CNBD1: variants seen among roughly 807,000 people sequenced by gnomAD.
CNBD1 encodes the protein cyclic nucleotide binding domain containing 1.
Under a neutral mutation model 54.4 loss-of-function variants are expected in CNBD1, and 71 were observed. The observed-to-expected ratio is 1.30, with a 90% CI of 1.08 to 1.59. The LOEUF (loss-of-function observed/expected upper bound fraction) is 1.59. CNBD1 is among the 40% of genes most tolerant of loss of function. The pLI is 0.00. For missense variants in CNBD1, 659 were observed against 518.0 expected (o/e 1.27, Z -2.64); for synonymous variants, 182 against 170.7 (o/e 1.07, Z -0.51).
intron 4 of CNBD1, among the ~76,000 whole-genome samples, chr8:86,989,682 C>T (rs1225522200): frequency 1.3e-5 from 2 of 152,086 alleles, no homozygotes; most frequent in Admixed American, 6.6e-5. Context: ...AACTCCTGAG[C>T]TCAGGCAATC....
intron 4 of CNBD1, among the ~76,000 whole-genome samples, chr8:87,142,862 C>G (rs544082575): frequency 1.3e-4 from 20 of 150,142 alleles, no homozygotes; most frequent in African/African-American, 4.4e-4. Flanking sequence ...GCTCGTTGTT[C>G]GTGAGATTTT....
chr8:87,231,575 A>T (rs908327218), intron 5 of CNBD1, among the ~76,000 whole-genome samples: 2 of 152,216 alleles, frequency 1.3e-5, no homozygotes, highest in African/African-American at 4.8e-5. Flanking sequence ...CTCTCATATA[A>T]TAAAATGTTC....
At chr8:87,427,967 A>T (rs541494315) in intron 2 of CNBD1, among the ~76,000 whole-genome samples, 1 of 152,010 alleles carries the variant, frequency 6.6e-6, no homozygotes, top group African/African-American at 2.4e-5. Context: ...TCTAAATCCT[A>T]TTGGTTTGGT....
chr8:87,329,019 G>C (rs1168712112), intron 8 of CNBD1, among the ~76,000 whole-genome samples: 1 of 151,174 alleles, frequency 6.6e-6, no homozygotes, highest in Non-Finnish European at 1.5e-5. Flanking sequence ...CTTCCTAGGA[G>C]TTTTATACTT....
At chr8:87,331,542 T>C (rs894157475) in intron 8 of CNBD1, among the ~76,000 whole-genome samples, 1 of 152,218 alleles carries the variant, frequency 6.6e-6, no homozygotes, top group Non-Finnish European at 1.5e-5. Context: ...TGTATCTTTA[T>C]AATAGAATGA....
intron 2 of CNBD1, among the ~76,000 whole-genome samples, chr8:87,417,976 C>A (rs1169026950): frequency 2.0e-5 from 3 of 151,892 alleles, no homozygotes; most frequent in Non-Finnish European, 4.4e-5. Context: ...TGGCAAAATT[C>A]TCTTAATTGA....
intron 2 of CNBD1, among the ~76,000 whole-genome samples, chr8:87,426,000 G>A (rs995623064): frequency 5.3e-5 from 8 of 152,214 alleles, no homozygotes; most frequent in Non-Finnish European, 8.8e-5. Flanking sequence ...TCTGAGCCAG[G>A]TGCAGGATAT....
At chr8:87,358,945 G>A (rs908881600) in intron 10 of CNBD1, among the ~76,000 whole-genome samples, 3 of 152,128 alleles carry the variant, frequency 2.0e-5, no homozygotes, top group Non-Finnish European at 2.9e-5. Flanking sequence ...AATGGATTAG[G>A]TGTTATCTGT....
chr8:87,295,916 A>G (rs1166668991), intron 8 of CNBD1, among the ~76,000 whole-genome samples: 1 of 152,158 alleles, frequency 6.6e-6, no homozygotes, highest in Non-Finnish European at 1.5e-5. Context: ...TCATTTTAAT[A>G]AAAGTAATTT....
At chr8:87,368,470 T>G (rs565051618) in intron 10 of CNBD1, among the ~76,000 whole-genome samples, 1 of 151,982 alleles carries the variant, frequency 6.6e-6, no homozygotes, top group South Asian at 2.1e-4. Flanking sequence ...ACCCTGTCTG[T>G]ACAAAAAATA....
intron 10 of CNBD1, among the ~76,000 whole-genome samples, chr8:87,365,237 ATT>A (rs1308709361): frequency 6.6e-6 from 1 of 151,532 alleles, no homozygotes; most frequent in Admixed American, 6.6e-5. Flanking sequence ...TTAGGTTTTG[ATT>A]TTCTTTTCTC....
intron 3 of CNBD1, among the ~76,000 whole-genome samples, chr8:86,939,043 A>G (rs1279065208): frequency 6.6e-6 from 1 of 152,180 alleles, no homozygotes; most frequent in African/African-American, 2.4e-5. Context: ...TGACCTTTTA[A>G]TAGAAATGCT....
At chr8:87,124,442 TTAA>T (rs1418054292) in intron 4 of CNBD1, among the ~76,000 whole-genome samples, 1 of 151,562 alleles carries the variant, frequency 6.6e-6, no homozygotes, top group East Asian at 1.9e-4. Flanking sequence ...TATGTGGAAA[TTAA>T]TAATTACCAC....
chr8:87,053,100 T>C (rs765881412), intron 4 of CNBD1, among the ~76,000 whole-genome samples: 2 of 152,150 alleles, frequency 1.3e-5, no homozygotes, highest in African/African-American at 4.8e-5. Flanking sequence ...TTCTCTGATT[T>C]TGGGGAATCA....
At chr8:87,017,453 A>G (rs1402993853) in intron 4 of CNBD1, among the ~76,000 whole-genome samples, 2 of 152,326 alleles carry the variant, frequency 1.3e-5, no homozygotes, top group East Asian at 3.9e-4. Flanking sequence ...TTTCTACTTG[A>G]TGGGGCATTT....
At chr8:87,272,552 A>G (rs1187719092) in intron 6 of CNBD1, among the ~76,000 whole-genome samples, 4 of 151,990 alleles carry the variant, frequency 2.6e-5, no homozygotes, top group Non-Finnish European at 4.4e-5. Context: ...TTTGAATAAG[A>G]CAGGAGCAAT....
intron 10 of CNBD1, among the ~76,000 whole-genome samples, chr8:87,376,025 A>C (rs1232025585): frequency 1.3e-5 from 2 of 151,930 alleles, no homozygotes; most frequent in Non-Finnish European, 2.9e-5. Context: ...AAATTATGCA[A>C]TATGAAGGAT....
At chr8:87,294,445 G>A (rs1442756370) in intron 8 of CNBD1, among the ~76,000 whole-genome samples, 1 of 152,126 alleles carries the variant, frequency 6.6e-6, no homozygotes, top group Non-Finnish European at 1.5e-5. Flanking sequence ...AGCATGGGTT[G>A]AAAGGGACCT....
intron 4 of CNBD1, among the ~76,000 whole-genome samples, chr8:87,018,104 A>G (rs1055279639): frequency 2.0e-5 from 3 of 152,118 alleles, no homozygotes; most frequent in Non-Finnish European, 2.9e-5. Context: ...TTAGCCAGGC[A>G]TGGTGGCGCA....
Sources: gnomAD v4.1 joint callset for allele counts (sites outside exome capture counted in the v4.1 genomes callset) on GRCh38, gnomAD v4.1.1 for gene constraint, MANE v1.5 for transcripts, NCBI Gene and HGNC (gene_info 2026-07-23, HGNC 2026-07-21) for gene names.